LOC128462377: variants seen among roughly 807,000 people sequenced by gnomAD.
At chr16:89,347,118 T>C in the LOC128462377 span, among the ~76,000 whole-genome samples, 51 of 152,014 alleles carry the variant, frequency 3.4e-4, no homozygotes, top group East Asian at 7.0e-3. Flanking sequence ...TGGAGGTGTC[T>C]CTCGTTGGTC....
the LOC128462377 span, among the ~76,000 whole-genome samples, chr16:89,325,377 G>A: frequency 1.3e-5 from 2 of 152,036 alleles, no homozygotes; most frequent in African/African-American, 4.8e-5. Context: ...GGTCGAGGCT[G>A]CGGTAAGCCA....
At chr16:89,386,090 C>A in the LOC128462377 span, among the ~76,000 whole-genome samples, 3 of 152,222 alleles carry the variant, frequency 2.0e-5, no homozygotes, top group Admixed American at 2.0e-4. Flanking sequence ...GATGCCAGGG[C>A]TTCTCCTATT....
At chr16:89,358,767 C>A in the LOC128462377 span, among the ~76,000 whole-genome samples, 1 of 152,088 alleles carries the variant, frequency 6.6e-6, no homozygotes, top group African/African-American at 2.4e-5. Context: ...ACGTGCAAAC[C>A]ACTTCCCCTG....
the LOC128462377 span, among the ~76,000 whole-genome samples, chr16:89,382,011 C>T: frequency 1.3e-5 from 2 of 152,292 alleles, no homozygotes; most frequent in East Asian, 1.9e-4. Flanking sequence ...CTTTACAAAC[C>T]GTGCAAGCAG....
At chr16:89,378,201 A>G in the LOC128462377 span, among the ~76,000 whole-genome samples, 18 of 152,132 alleles carry the variant, frequency 1.2e-4, no homozygotes, top group African/African-American at 3.6e-4. Flanking sequence ...AAGAAGCGGG[A>G]AAAAAAGTGC....
At chr16:89,344,946 T>C in the LOC128462377 span, among the ~76,000 whole-genome samples, 10 of 152,090 alleles carry the variant, frequency 6.6e-5, no homozygotes, top group Admixed American at 2.0e-4. Flanking sequence ...AAAAGAATGG[T>C]TGGCAGAACT....
the LOC128462377 span, among the ~76,000 whole-genome samples, chr16:89,412,987 G>C: frequency 6.6e-6 from 1 of 152,138 alleles, no homozygotes; most frequent in Non-Finnish European, 1.5e-5. Flanking sequence ...CTGACAGCCA[G>C]AGCTCCCAAT....
the LOC128462377 span, among the ~76,000 whole-genome samples, chr16:89,357,890 C>A: frequency 6.6e-6 from 1 of 152,348 alleles, no homozygotes; most frequent in Admixed American, 6.5e-5. Flanking sequence ...CCTTTCCTTT[C>A]TTTTCCTATT....
At chr16:89,393,237 C>T in the LOC128462377 span, among the ~76,000 whole-genome samples, 5 of 152,136 alleles carry the variant, frequency 3.3e-5, no homozygotes, top group South Asian at 8.3e-4. Flanking sequence ...GGTGACATGG[C>T]TCCCACCCTG....
the LOC128462377 span, among the ~76,000 whole-genome samples, chr16:89,381,862 C>T: frequency 9.9e-5 from 15 of 152,244 alleles, no homozygotes; most frequent in Non-Finnish European, 1.9e-4. Context: ...GCATAACTTA[C>T]AGCCTCTGCC....
chr16:89,385,982 G>A, the LOC128462377 span, among the ~76,000 whole-genome samples: 6 of 152,230 alleles, frequency 3.9e-5, no homozygotes, highest in African/African-American at 1.2e-4. Flanking sequence ...CCTGGCTCAA[G>A]CCGGCCTCCC....
the LOC128462377 span, chr16:89,412,602 G>A: frequency 7.2e-5 from 11 of 152,048 alleles, no homozygotes; most frequent in African/African-American, 2.7e-4. Flanking sequence ...AGGTACATTG[G>A]TGTTTTTGCA....
the LOC128462377 span, among the ~76,000 whole-genome samples, chr16:89,333,047 A>G: frequency 0.38 from 58,370 of 152,028 alleles, 13,350 homozygotes; most frequent in Non-Finnish European, 0.53. Context: ...GGGAACCCCC[A>G]GGGAAGAAGG....
the LOC128462377 span, among the ~76,000 whole-genome samples, chr16:89,368,848 C>G: frequency 6.6e-6 from 1 of 152,074 alleles, no homozygotes; most frequent in East Asian, 1.9e-4. Context: ...CACAGTGAGT[C>G]CTGACCAAGC....
chr16:89,332,325 G>A, the LOC128462377 span, among the ~76,000 whole-genome samples: 1 of 152,194 alleles, frequency 6.6e-6, no homozygotes, highest in Non-Finnish European at 1.5e-5. Flanking sequence ...GCTCCGTGAA[G>A]TCCTGGGATG....
the LOC128462377 span, among the ~76,000 whole-genome samples, chr16:89,347,194 C>T: frequency 2.0e-5 from 3 of 152,226 alleles, no homozygotes; most frequent in Admixed American, 1.3e-4. Flanking sequence ...ACTGCCACAG[C>T]AGCACCTGGG....
chr16:89,329,877 G>A, the LOC128462377 span, among the ~76,000 whole-genome samples: 22 of 152,162 alleles, frequency 1.4e-4, no homozygotes, highest in African/African-American at 4.3e-4. Context: ...ATGGTGGTGC[G>A]TGCCTGTAAT....
the LOC128462377 span, among the ~76,000 whole-genome samples, chr16:89,355,720 TTA>T: frequency 6.6e-6 from 1 of 152,230 alleles, no homozygotes; most frequent in African/African-American, 2.4e-5. Context: ...CTTCATCTTG[TTA>T]TGAGCATCCA....
At chr16:89,388,810 G>T in the LOC128462377 span, among the ~76,000 whole-genome samples, 1 of 152,152 alleles carries the variant, frequency 6.6e-6, no homozygotes, top group African/African-American at 2.4e-5. Flanking sequence ...GTTCTGGAAG[G>T]CACTGCCACA....
Sources: gnomAD v4.1 joint callset for allele counts (sites outside exome capture counted in the v4.1 genomes callset) on GRCh38, gnomAD v4.1.1 for gene constraint, MANE v1.5 for transcripts.